The following CRYBG2 variants were observed in gnomAD, a reference collection of about 807,000 sequenced individuals.
CRYBG2 encodes crystallin beta-gamma domain containing 2.
Under a neutral mutation model 153.4 loss-of-function variants are expected in CRYBG2, and 106 were observed. The ratio of observed to expected loss-of-function variants is 0.69; its 90% CI spans 0.59 to 0.81. CRYBG2 has a LOEUF of 0.81. Ranked by LOEUF, CRYBG2 falls within the 30% of genes least tolerant of loss-of-function variation. The pLI is 0.00. For synonymous variants in CRYBG2, 851 were observed against 877.8 expected (o/e 0.97, Z 0.54); for missense variants, 1,996 against 2,112.0 (o/e 0.95, Z 1.08).
chr1:26,339,381 C>G lies in CRYBG2; in HGVS notation c.3253G>C (p.Gly1085Arg), dbSNP rs761953030. The G allele has an allele frequency of 6.2e-7, 1 of 1,614,216 alleles. No individual in the cohort carries two copies. The highest frequency in any genetic ancestry group is 1.1e-5 in the South Asian group (1 of 91,080). Residue 1085 changes from glycine (G) to arginine (R), a missense_variant, in exon 6 of 20, where the codon GGG becomes CGG. Gly to Arg is a moderately radical substitution (Grantham distance 125, BLOSUM62 -2). Transcript: ENST00000308182. Reference sequence around the variant, plus strand: ...GCCTCTGTTAGCTTCACTTGCTCCCCCTTGAGGCCCTCCTCAGAGAAGAGG... The same window carrying G: ...GCCTCTGTTAGCTTCACTTGCTCCCGCTTGAGGCCCTCCTCAGAGAAGAGG... The part of the protein sequence containing the change: ...ISLFSEEGLK[G>R]EQVKLTEALK...
chr1:26,328,091 T>G, intron 17 of CRYBG2, 118 bp downstream of exon 17: 2 of 1,398,154 alleles, frequency 1.4e-6, no homozygotes, highest in Non-Finnish European at 1.9e-6. Flanking sequence ...GTGGCAAAAG[T>G]TGTGACAAAA....
In CRYBG2 at chr1:26,340,274, C is replaced by A. The variant is rs530068482; in HGVS notation, c.3205-845G>T. Among the ~76,000 whole-genome samples, 58 of 152,358 alleles carry A rather than the reference C, an allele frequency of 3.8e-4. 1 individual carries two copies. Among genetic ancestry groups the A allele is most frequent in the African/African-American group, 1.3e-3 (54 of 41,590 alleles). ...GCAAGGCACTGTGCTAAGGTCATGT[C>A]CTACCCTATCTCATTTAGTCCTCCC... On this transcript the variant is annotated intron_variant, in intron 5 of 19. Transcript: ENST00000308182.
rs2074229005 is a variant in CRYBG2 at position 26,346,819 on chromosome 1, G to T, written c.-55-107C>A. 1.1e-5 allele frequency: 8 copies of T among 706,350 alleles called. No individual in the cohort carries two copies. Among genetic ancestry groups the T allele is most frequent in the Admixed American group, 3.1e-5 (1 of 32,104 alleles). The allele number at this position is 706,350 out of a possible 1,614,324, so 43.8% of individuals were successfully genotyped here. A position where few individuals can be genotyped will look rare whatever the true frequency, so the allele number is the denominator to read the frequency against. On this transcript the variant is annotated intron_variant, in intron 1 of 19. Transcript: ENST00000308182. The surrounding 1 kb of genome is among the most constrained non-coding windows in gnomAD (Gnocchi z 4.9). ...TCAGGCTGGGAACCTCAGGCAAATC[G>T]CTTGGCCTTTTTGGGCCATTGCTTT...
In CRYBG2 at chr1:26,345,602, G is replaced by A. The variant is rs745762898; in HGVS notation, c.1056C>T (p.Pro352=). 1.2e-6 allele frequency: 2 copies of A among 1,600,784 alleles called. No individual in the cohort carries two copies. Among genetic ancestry groups the A allele is most frequent in the Non-Finnish European group, 1.7e-6 (2 of 1,179,754 alleles). Residue 352 remains proline (P), a synonymous_variant, in exon 2 of 20, where the codon CCC becomes CCT. Transcript: ENST00000308182. ...LQTSQGQASV[P]SSPRLETHVP... ...CATGGGTCTCGAGTCTGGGAGAGGA[G>A]GGGACTGATGCTTGACCCTGAGAAG...
In CRYBG2 at chr1:26,333,014, C is replaced by CAAAAA. The variant is rs59155910; in HGVS notation, c.4185-1401_4185-1397dup. Among the ~76,000 whole-genome samples, 542 of 71,938 alleles carry CAAAAA rather than the reference C, an allele frequency of 7.5e-3. 219 individuals carry two copies. Among genetic ancestry groups the CAAAAA allele is most frequent in the Middle Eastern group, 0.048 (4 of 84 alleles). The allele number at this position is 71,938 out of a possible 152,430, so 47.2% of individuals were successfully genotyped here. A position where few individuals can be genotyped will look rare whatever the true frequency, so the allele number is the denominator to read the frequency against. ...GCCAGTGGATGAACACACCAAACCC[C>CAAAAA]AAAAAAAAAAAAAAAAAAAAAAAAA... On this transcript the variant is annotated intron_variant, in intron 14 of 19. Transcript: ENST00000308182.
rs369346813 is a variant in CRYBG2, at chr1:26,328,814, G to A, written c.4374C>T (p.Ile1458=). The stretch of plus-strand genomic sequence containing the variant: ...GGCTCCGCACCTCCCTGCTGAGCTC[G>A]ATCTCCTTCCCCTCGAAGCACTCGA... ...YGLECFEGKE[I]ELSREVRSLQ... The change falls in exon 16 of 20, where the codon ATC becomes ATT. Residue 1458 remains isoleucine (I), a synonymous_variant. Transcript: ENST00000308182. 1.5e-5 allele frequency: 25 copies of A among 1,613,954 alleles called. No homozygotes were observed. The highest frequency in any genetic ancestry group is 1.6e-4 in the Middle Eastern group (1 of 6,084).
chr1:26,346,315 T>G lies in CRYBG2; in HGVS notation c.343A>C (p.Lys115Gln). 6.3e-7 allele frequency: 1 copy of G among 1,599,286 alleles called. No homozygotes were observed. The highest frequency in any genetic ancestry group is 1.1e-5 in the South Asian group (1 of 91,070). ...CCATCACTCTGGTCCACAGCCTCCTTCAGCCTCCCCTCAGGCCTTTTCTCC... is the reference window on the plus strand; with the variant it reads ...CCATCACTCTGGTCCACAGCCTCCTGCAGCCTCCCCTCAGGCCTTTTCTCC... The part of the protein sequence containing the change: ...PKEKRPEGRL[K>Q]EAVDQSDGSR... Residue 115 changes from lysine to glutamine, a missense_variant, in exon 2 of 20, where the codon AAG (lysine) becomes CAG (glutamine). Lys to Gln is a moderately conservative substitution (Grantham distance 53). Coordinates refer to ENST00000308182, the MANE Select transcript of CRYBG2 (RefSeq NM_001039775.4). The surrounding 1 kb of genome is among the most constrained non-coding windows in gnomAD (Gnocchi z 4.9).
intron 1 of CRYBG2, among the ~76,000 whole-genome samples, chr1:26,353,337 G>C (rs2074305533): frequency 1.3e-5 from 2 of 152,266 alleles, no homozygotes; most frequent in East Asian, 3.9e-4. Context: ...TTCCTCTTCA[G>C]GGTCATCCCT....
chr1:26,343,308 G>A lies in CRYBG2; in HGVS notation c.2914-15C>T, dbSNP rs1295259652. On this transcript the variant is annotated splice_polypyrimidine_tract_variant and intron_variant, in intron 2 of 19. Transcript: ENST00000308182. The surrounding 1 kb of genome is among the most constrained non-coding windows in gnomAD (Gnocchi z 4.1). ...AAGGCTGGGCTCTGAAACGGAGGCA[G>A]GTGATAAAGAAGTCCTGTGGGGTCA... 2 of 1,550,190 alleles carry A rather than the reference G, an allele frequency of 1.3e-6. No individual in the cohort carries two copies. Among genetic ancestry groups the A allele is most frequent in the Non-Finnish European group, 8.7e-7 (1 of 1,146,960 alleles).
At chr1:26,342,907 TC>T in intron 4 of CRYBG2, 24 bp from the exon 5 acceptor site, 1 of 1,613,574 alleles carries the variant, frequency 6.2e-7, no homozygotes, top group African/African-American at 1.3e-5. Flanking sequence ...GATTCCAGGA[TC>T]ACAGATGGGG....
In CRYBG2 at chr1:26,328,762, C is replaced by T; in HGVS notation, c.4426G>A (p.Val1476Met). 2 of 1,614,098 alleles carry T rather than the reference C, an allele frequency of 1.2e-6. No homozygotes were observed. Among genetic ancestry groups the T allele is most frequent in the Non-Finnish European group, 1.7e-6 (2 of 1,180,020 alleles). ...CCCCCCTTGATCCGCACAGACAGCA[C>T]ATGGTTGTTGAAGCCCTCGGCTTGC... The part of the protein sequence containing the change: ...SLQAEGFNNH[V>M]LSVRIKGGIW... The change falls in exon 16 of 20, where the codon GTG becomes ATG. Residue 1476 changes from valine (V) to methionine (M), a missense_variant. By Grantham distance (21) the Val-to-Met change is conservative. Coordinates refer to ENST00000308182, the MANE Select transcript of CRYBG2 (RefSeq NM_001039775.4).
Position 26,324,501 on chromosome 1 carries a change from C to G in CRYBG2, c.4579-191G>C, listed in dbSNP as rs563334116. Among the ~76,000 whole-genome samples, 8 of 63,912 alleles carry G rather than the reference C, an allele frequency of 1.3e-4. No individual in the cohort carries two copies. The East Asian group carries it at 2.0e-3, about 16-fold the overall frequency. The allele number at this position is 63,912 out of a possible 152,430, so 41.9% of individuals were successfully genotyped here. A position where few individuals can be genotyped will look rare whatever the true frequency, so the allele number is the denominator to read the frequency against. The stretch of plus-strand genomic sequence containing the variant: ...ACGGAGAGCACATGTATCTCTCTCT[C>G]TCTCACACACACACACACACACACA... On this transcript the variant is annotated intron_variant, in intron 17 of 19. Coordinates refer to ENST00000308182, the MANE Select transcript of CRYBG2 (RefSeq NM_001039775.4).
chr1:26,334,915 C>T (rs1212784661), intron 14 of CRYBG2, among the ~76,000 whole-genome samples: 2 of 150,788 alleles, frequency 1.3e-5, no homozygotes, highest in Non-Finnish European at 3.0e-5. Context: ...GAGCGAGACT[C>T]CATCTCAAAA....
rs971653922 is a variant in CRYBG2, at chr1:26,325,164, A to G, written c.4579-854T>C. On this transcript the variant is annotated intron_variant, in intron 17 of 19. Transcript: ENST00000308182. This position sits in a 1 kb window ranked among gnomAD's most constrained non-coding sequence, Gnocchi z 4.1. ...GATAATCTCCAAGATTTCTCCCAGC[A>G]ATGATGTTATGAGTCTTGAATACAA... is the stretch of plus-strand genomic sequence containing the variant. 3 of 152,244 alleles carry G rather than the reference A, an allele frequency of 2.0e-5. No homozygotes were observed. Among genetic ancestry groups the G allele is most frequent in the African/African-American group, 7.2e-5 (3 of 41,466 alleles). The allele number at this position is 152,244 out of a possible 1,614,324, so 9.4% of individuals were successfully genotyped here.
In CRYBG2 at chr1:26,346,458, C is replaced by A; in HGVS notation, c.200G>T (p.Gly67Val). The change falls in exon 2 of 20, where the codon GGC becomes GTC. Residue 67 changes from glycine (G) to valine (V), a missense_variant. Coordinates refer to ENST00000308182, the MANE Select transcript of CRYBG2 (RefSeq NM_001039775.4). The surrounding 1 kb of genome is among the most constrained non-coding windows in gnomAD (Gnocchi z 4.9). ...AGTCTCTTCTTCCTGTGTTGCAAAG[C>A]CATTGACTTCCACTTCCTCTCGACG... ...FSRREEVEVN[G>V]FATQEEETVN... The A allele has an allele frequency of 2.5e-6, 4 of 1,606,306 alleles. No homozygotes were observed. Among genetic ancestry groups the A allele is most frequent in the Non-Finnish European group, 3.4e-6 (4 of 1,179,732 alleles).
rs915637753 is a variant in CRYBG2, at chr1:26,328,728, A to G, written c.4454+6T>C. 6.2e-7 allele frequency: 1 copy of G among 1,610,644 alleles called. No individual in the cohort carries two copies. Among genetic ancestry groups the G allele is most frequent in the Non-Finnish European group, 8.5e-7 (1 of 1,178,156 alleles). On this transcript the variant is annotated splice_donor_region_variant and intron_variant, in intron 16 of 19. Coordinates refer to ENST00000308182, the MANE Select transcript of CRYBG2 (RefSeq NM_001039775.4). ...CACCGCACCCATGCCTCCCCTCAGC[A>G]CTCACATGCCCCCCTTGATCCGCAC...
At chr1:26,331,071 G>A (rs1043256892) in intron 15 of CRYBG2, among the ~76,000 whole-genome samples, 8 of 152,194 alleles carry the variant, frequency 5.3e-5, no homozygotes, top group African/African-American at 1.9e-4. Context: ...ACTGGTCTGT[G>A]GCTGGCAGGG....
rs2074056383 is a variant in CRYBG2 at position 26,336,443 on chromosome 1, C to A, written c.4039-73G>T. The A allele has an allele frequency of 6.3e-7, 1 of 1,578,140 alleles. No individual in the cohort carries two copies. The highest frequency in any genetic ancestry group is 8.6e-7 in the Non-Finnish European group (1 of 1,162,014). Reference sequence around the variant, plus strand: ...GCCTTGTCTTCTCTAGGTTTCAGTACCGTCCACCCCGCGGCCGCGCCCTCG... The same window carrying A: ...GCCTTGTCTTCTCTAGGTTTCAGTAACGTCCACCCCGCGGCCGCGCCCTCG... On this transcript the variant is annotated intron_variant, in intron 12 of 19. Coordinates refer to ENST00000308182, the MANE Select transcript of CRYBG2 (RefSeq NM_001039775.4). The surrounding 1 kb of genome is among the most constrained non-coding windows in gnomAD (Gnocchi z 4.9).
intron 5 of CRYBG2, among the ~76,000 whole-genome samples, chr1:26,341,678 G>C (rs922864510): frequency 6.6e-6 from 1 of 152,010 alleles, no homozygotes; most frequent in African/African-American, 2.4e-5. Context: ...GTAGAGACAG[G>C]GTTTCACCAC....
Sources: allele counts gnomAD v4.1 joint callset (sites outside exome capture counted in the v4.1 genomes callset), GRCh38; gene constraint gnomAD v4.1.1; non-coding constraint Gnocchi (gnomAD v3.1); transcripts MANE v1.5; gene names NCBI Gene and HGNC (gene_info 2026-07-23, HGNC 2026-07-21).